Variants in SLC7A7 observed in about 807,000 individuals in gnomAD.
SLC7A7 encodes the protein solute carrier family 7 member 7.
SLC7A7 carries 39 observed loss-of-function variants against 47.9 expected under a neutral mutation model. The observed-to-expected ratio is 0.81, with a 90% CI of 0.63 to 1.06. SLC7A7 has a LOEUF of 1.06. Among genes scored for constraint, SLC7A7 ranks in the 50% least tolerant of loss-of-function variants. The pLI is 0.00. For synonymous variants in SLC7A7, 234 were observed against 242.8 expected (o/e 0.96, Z 0.34); for missense variants, 588 against 632.0 (o/e 0.93, Z 0.75).
chr14:22,780,652 G>A (rs924312414), intron 2 of SLC7A7, among the ~76,000 whole-genome samples: 2 of 152,314 alleles, frequency 1.3e-5, no homozygotes, highest in East Asian at 1.9e-4. Flanking sequence ...TGGGGACAGG[G>A]CATTTTTCCT....
chr14:22,803,544 T>G (rs969935902), intron 2 of SLC7A7, among the ~76,000 whole-genome samples: 1 of 152,220 alleles, frequency 6.6e-6, no homozygotes, highest in Non-Finnish European at 1.5e-5. Flanking sequence ...TGCAGGCATC[T>G]GGAGACGTGC....
At chr14:22,775,076 CTT>C (rs199520985) in intron 7 of SLC7A7, among the ~76,000 whole-genome samples, 1,986 of 122,948 alleles carry the variant, frequency 0.016, 36 homozygotes, top group African/African-American at 0.05. Flanking sequence ...TCTGAGAACA[CTT>C]TGGTGGATTT....
At chr14:22,785,872 A>G (rs2038804427) in intron 2 of SLC7A7, among the ~76,000 whole-genome samples, 1 of 151,884 alleles carries the variant, frequency 6.6e-6, no homozygotes, top group Admixed American at 6.6e-5. Context: ...AATACAAAAA[A>G]TTAGCCGGGT....
upstream of SLC7A7, chr14:22,815,778 ACT>A (rs144597831): frequency 1.1e-4 from 47 of 424,546 alleles, no homozygotes; most frequent in Admixed American, 1.5e-4. Flanking sequence ...AATACACAGC[ACT>A]CTCTCTCTCT....
chr14:22,783,911 G>A (rs1210467030), intron 2 of SLC7A7, among the ~76,000 whole-genome samples: 1 of 152,212 alleles, frequency 6.6e-6, no homozygotes, highest in Non-Finnish European at 1.5e-5. Flanking sequence ...CCTGAAGAGA[G>A]CTAGCCCTCC....
At chr14:22,789,267 C>T (rs1186858620) in intron 2 of SLC7A7, among the ~76,000 whole-genome samples, 2 of 152,110 alleles carry the variant, frequency 1.3e-5, no homozygotes, top group African/African-American at 4.8e-5. Context: ...AAGATGTCCA[C>T]CCCCTAATCC....
At chr14:22,789,745 T>C (rs2038892058) in intron 2 of SLC7A7, among the ~76,000 whole-genome samples, 1 of 152,042 alleles carries the variant, frequency 6.6e-6, no homozygotes, top group African/African-American at 2.4e-5. Flanking sequence ...ACAAAAGTTC[T>C]TAAAGATGAA....
In SLC7A7 at chr14:22,779,909, C is replaced by T. The variant is rs775237421; in HGVS notation, c.625+17G>A. On this transcript the variant is annotated intron_variant, in intron 3 of 9. Transcript: ENST00000674313. The stretch of plus-strand genomic sequence containing the variant: ...AATGCTTAAAAAAGATTAGTTGCTA[C>T]TAATATTATTTCTTACCCTGGCCAA... 12 of 1,613,492 alleles carry T rather than the reference C, an allele frequency of 7.4e-6. No individual in the cohort carries two copies. The highest frequency in any genetic ancestry group is 1.0e-5 in the Non-Finnish European group (12 of 1,179,472).
At chr14:22,811,000 A>T (rs1190277384) in intron 2 of SLC7A7, among the ~76,000 whole-genome samples, 1 of 152,120 alleles carries the variant, frequency 6.6e-6, no homozygotes, top group East Asian at 1.9e-4. Context: ...ACCTCAGTGA[A>T]AACCCCCTTC....
At chr14:22,784,488 T>G (rs977992177) in intron 2 of SLC7A7, among the ~76,000 whole-genome samples, 2 of 151,900 alleles carry the variant, frequency 1.3e-5, no homozygotes, top group African/African-American at 4.8e-5. Context: ...CATGGTGGTG[T>G]GTGCCTGTAG....
rs58930730 is a variant in SLC7A7, at chr14:22,812,773, C to CTATATATATATA, written c.499+115_499+126dup. ...AATTTTCACACAAAGCATACTTTAA[C>CTATATATATATA]TATATATATATATATATATGTTGTC... is the stretch of plus-strand genomic sequence containing the variant. On this transcript the variant is annotated intron_variant, in intron 2 of 9. Transcript: ENST00000674313. 1.3e-3 allele frequency: 569 copies of CTATATATATATA among 439,438 alleles called. 21 individuals carry two copies. Among genetic ancestry groups the CTATATATATATA allele is most frequent in the African/African-American group, 4.9e-3 (193 of 39,364 alleles). 27.2% of individuals were successfully genotyped at this position (439,438 alleles called of 1,614,324 possible). A position where few individuals can be genotyped will look rare whatever the true frequency, so the allele number is the denominator to read the frequency against.
Position 22,813,301 on chromosome 14 carries a change from A to G in SLC7A7, c.98T>C (p.Leu33Pro), listed in dbSNP as rs1040738469. The G allele has an allele frequency of 1.2e-6, 2 of 1,614,178 alleles. No individual in the cohort carries two copies. Among genetic ancestry groups the G allele is most frequent in the Admixed American group, 1.7e-5 (1 of 60,010 alleles). ...GASPGPEQVK[L>P]KKEISLLNGV... ...GTTAAGCAGTGAGATCTCCTTCTTC[A>G]GCTTCACCTGCTCCGGCCCTGGGCT... The change falls in exon 2 of 10, where the codon CTG (leucine) becomes CCG (proline). Residue 33 changes from leucine (L) to proline (P), a missense_variant. Transcript: ENST00000674313.
intron 2 of SLC7A7, among the ~76,000 whole-genome samples, chr14:22,811,854 A>C (rs1362230246): frequency 6.6e-6 from 1 of 150,988 alleles, no homozygotes; most frequent in Non-Finnish European, 1.5e-5. Context: ...CAAAAAAAAA[A>C]AAAAAAAAAA....
chr14:22,817,800 T>C (rs980993609), upstream of SLC7A7, among the ~76,000 whole-genome samples: 2 of 152,092 alleles, frequency 1.3e-5, no homozygotes, highest in Non-Finnish European at 2.9e-5. Flanking sequence ...TGGACAGGAA[T>C]TATCTACATG....
In SLC7A7 at chr14:22,773,357, A is replaced by C. The variant is rs1423880424; in HGVS notation, c.*253T>G. 2 of 594,624 alleles carry C rather than the reference A, an allele frequency of 3.4e-6. No homozygotes were observed. Among genetic ancestry groups the C allele is most frequent in the Non-Finnish European group, 6.3e-6 (2 of 318,132 alleles). The allele number at this position is 594,624 out of a possible 1,614,324, so 36.8% of individuals were successfully genotyped here. ...AGGTAGGCACACCCAGGTGCTTCTAAAACAACCAAGCCCAAACCTGACATG... is the reference window on the plus strand; with the variant it reads ...AGGTAGGCACACCCAGGTGCTTCTACAACAACCAAGCCCAAACCTGACATG... On this transcript the variant is annotated 3_prime_UTR_variant, in exon 10 of 10. Transcript: ENST00000674313.
intron 2 of SLC7A7, among the ~76,000 whole-genome samples, chr14:22,796,036 C>A (rs1343406745): frequency 2.0e-5 from 3 of 152,170 alleles, no homozygotes; most frequent in Non-Finnish European, 4.4e-5. Context: ...AACAAACCCA[C>A]ACTAGAACCC....
chr14:22,812,712 G>C (rs1182165393), intron 2 of SLC7A7, among the ~76,000 whole-genome samples, 188 bp downstream of exon 2: 2 of 147,972 alleles, frequency 1.4e-5, no homozygotes, highest in East Asian at 3.9e-4. Flanking sequence ...CTGGGGAAAA[G>C]GTGAGTGTTT....
chr14:22,773,858 G>C (rs759737451), intron 9 of SLC7A7, 75 bp downstream of exon 9: 47 of 1,590,116 alleles, frequency 3.0e-5, no homozygotes, highest in Non-Finnish European at 3.9e-5. Flanking sequence ...AGATGTCTTT[G>C]GAGGCTGGAT....
chr14:22,817,013 C>G (rs1221270040), upstream of SLC7A7, among the ~76,000 whole-genome samples: 4 of 152,054 alleles, frequency 2.6e-5, no homozygotes, highest in Non-Finnish European at 4.4e-5. Flanking sequence ...CTGCTAAGGA[C>G]TTAAGCACAT....
Sources: allele counts gnomAD v4.1 joint callset (sites outside exome capture counted in the v4.1 genomes callset), GRCh38; gene constraint gnomAD v4.1.1; transcripts MANE v1.5; gene names NCBI Gene and HGNC (gene_info 2026-07-23, HGNC 2026-07-21).